Variants in CROCC2 observed in about 807,000 individuals in gnomAD.
The protein encoded by CROCC2 is ciliary rootlet coiled-coil, rootletin family member 2.
Under a neutral mutation model 177.6 loss-of-function variants are expected in CROCC2, and 163 were observed. The observed-to-expected ratio is 0.92, with a 90% CI of 0.81 to 1.05. The LOEUF (loss-of-function observed/expected upper bound fraction) is 1.05, where lower values mean the gene tolerates loss of function less well. CROCC2 is among the 50% of genes least tolerant of loss of function. The probability of loss-of-function intolerance (pLI) is 0.00; values close to 1 mark genes in which losing one functional copy is unlikely to be tolerated. For missense variants in CROCC2, 1,929 were observed against 1,797.8 expected (o/e 1.07, Z -1.32); for synonymous variants, 904 against 787.3 (o/e 1.15, Z -2.48).
rs1009939794 is a variant in CROCC2, at chr2:240,920,630, G to A, written c.381+496G>A. ...GGCCCTTTTCTGACAACTGAGGCTG[G>A]CCGGGGCCGCTTGGACCTCAGAGGA... On this transcript the variant is annotated intron_variant, in intron 3 of 31. Transcript: ENST00000690015. Among the ~76,000 whole-genome samples the A allele has an allele frequency of 2.6e-5, 4 of 152,240 alleles. No individual in the cohort carries two copies. In the East Asian group the frequency reaches 7.7e-4, roughly 29 times the overall value.
At chr2:240,932,513 C>G in intron 8 of CROCC2, 99 bp downstream of exon 8, 1 of 704,632 alleles carries the variant, frequency 1.4e-6, no homozygotes, top group Non-Finnish European at 2.7e-6. Context: ...AGTGGACGGC[C>G]TGCAGGGCAA....
chr2:240,983,424 A>T, intron 28 of CROCC2: 1 of 1,281,526 alleles, frequency 7.8e-7, no homozygotes, highest in African/African-American at 1.6e-5. Flanking sequence ...TCTTCGGCCC[A>T]GGTGCTCTGC....
chr2:240,947,623 G>A (rs1195233124), intron 15 of CROCC2, among the ~76,000 whole-genome samples: 3 of 152,222 alleles, frequency 2.0e-5, no homozygotes, highest in African/African-American at 7.2e-5. Context: ...TGAGCTCGCA[G>A]GTAACATTCA....
chr2:240,942,773 C>G (rs2059501758), intron 14 of CROCC2, among the ~76,000 whole-genome samples: 1 of 152,064 alleles, frequency 6.6e-6, no homozygotes, highest in African/African-American at 2.4e-5. Flanking sequence ...CTCCTATGTT[C>G]CTAATGGGAA....
rs61276773 is a variant in CROCC2 at position 240,974,534 on chromosome 2, CTTT to C, written c.4401+6286_4401+6288del. Among the ~76,000 whole-genome samples, 9 of 134,904 alleles carry C rather than the reference CTTT, an allele frequency of 6.7e-5. 1 individual carries two copies. The highest frequency in any genetic ancestry group is 9.3e-5 in the Non-Finnish European group (6 of 64,384). The allele number at this position is 134,904 out of a possible 152,430, so 88.5% of individuals were successfully genotyped here. On this transcript the variant is annotated intron_variant, in intron 27 of 31. Transcript: ENST00000690015. ...CTTTTGTATTTTCTTTCTTTTTTTT[CTTT>C]TTTTTTTTTTTTTGTAGAGATGGTG...
intron 1 of CROCC2, among the ~76,000 whole-genome samples, chr2:240,910,459 CA>C (rs2059280430): frequency 6.6e-6 from 1 of 152,210 alleles, no homozygotes; most frequent in Non-Finnish European, 1.5e-5. Flanking sequence ...TTGAAATTGG[CA>C]AAAGTTGTTC....
intron 2 of CROCC2, among the ~76,000 whole-genome samples, 157 bp downstream of exon 2, chr2:240,919,033 G>C (rs13034626): frequency 2.6e-3 from 62 of 23,760 alleles, no homozygotes; most frequent in African/African-American, 7.2e-3. Flanking sequence ...CCTGGGCCCG[G>C]GGCTGGGCAA....
intron 18 of CROCC2, 153 bp downstream of exon 18, chr2:240,950,663 TCACC>T: frequency 2.8e-6 from 2 of 702,292 alleles, no homozygotes; most frequent in Non-Finnish European, 4.6e-6. Context: ...ATCCGTCCAC[TCACC>T]CACCCACCTA....
chr2:240,990,481 T>C (rs1164043224), intron 30 of CROCC2, among the ~76,000 whole-genome samples: 1 of 152,248 alleles, frequency 6.6e-6, no homozygotes, highest in African/African-American at 2.4e-5. Context: ...CTGCCCAGTG[T>C]CATCCCCAAG....
At chr2:240,943,785 C>A (rs927300996) in intron 14 of CROCC2, among the ~76,000 whole-genome samples, 1 of 152,042 alleles carries the variant, frequency 6.6e-6, no homozygotes, top group Admixed American at 6.6e-5. Flanking sequence ...CGGCCTAAAG[C>A]TTTATTCTTG....
chr2:240,929,434 CTG>C (rs1338817423), intron 5 of CROCC2, among the ~76,000 whole-genome samples: 1 of 152,084 alleles, frequency 6.6e-6, no homozygotes. Context: ...TGTGGAGACT[CTG>C]AGACTTCTGG....
At chr2:240,961,574 TCAC>T (rs2059634724) in intron 20 of CROCC2, among the ~76,000 whole-genome samples, 1 of 85,700 alleles carries the variant, frequency 1.2e-5, no homozygotes. Flanking sequence ...CACACACTCA[TCAC>T]ACATACACTC....
chr2:240,926,130 A>G (rs1363038396), intron 5 of CROCC2, among the ~76,000 whole-genome samples: 1 of 152,164 alleles, frequency 6.6e-6, no homozygotes, highest in Non-Finnish European at 1.5e-5. Flanking sequence ...AGAATGGGGC[A>G]CTGGGGCCGC....
intron 11 of CROCC2, among the ~76,000 whole-genome samples, chr2:240,934,087 G>A (rs866389745): frequency 6.6e-6 from 1 of 151,800 alleles, no homozygotes; most frequent in East Asian, 1.9e-4. Context: ...CCACCACCCC[G>A]TGGGCCCATC....
intron 1 of CROCC2, among the ~76,000 whole-genome samples, chr2:240,906,867 T>C (rs2059257674): frequency 6.6e-6 from 1 of 151,748 alleles, no homozygotes; most frequent in African/African-American, 2.4e-5. Context: ...GTGGCCGGTG[T>C]CCCTTGCAGC....
At chr2:240,942,860 CT>C (rs547057404) in intron 14 of CROCC2, among the ~76,000 whole-genome samples, 75 of 151,946 alleles carry the variant, frequency 4.9e-4, no homozygotes, top group African/African-American at 1.5e-3. Context: ...TATTTATTGT[CT>C]TTTTTTTATT....
At chr2:240,936,580 T>C (rs905793690) in intron 14 of CROCC2, among the ~76,000 whole-genome samples, 1 of 152,234 alleles carries the variant, frequency 6.6e-6, no homozygotes, top group African/African-American at 2.4e-5. Flanking sequence ...ATCTGCTTAC[T>C]CATCCACCTG....
At chr2:240,965,245 G>T in intron 22 of CROCC2, 136 bp from the exon 23 acceptor site, 1 of 1,297,188 alleles carries the variant, frequency 7.7e-7, no homozygotes, top group East Asian at 2.5e-5. Flanking sequence ...GGTCCTTTGG[G>T]GCACCTTAGC....
In CROCC2 at chr2:240,932,802, C is replaced by G. The variant is rs1404796046; in HGVS notation, c.1145C>G (p.Ser382Cys). Residue 382 changes from serine (S) to cysteine (C), a missense_variant, in exon 9 of 32, where the codon TCC becomes TGC. By Grantham distance (112) the Ser-to-Cys change is moderately radical. Transcript: ENST00000690015. ...CTGAGGAGCCCCCAACGTGCCACAT[C>G]CCCCCATCAAGGGGCGTCCCCACCA... ...RPLRSPQRAT[S>C]PHQGASPPHI... is the part of the protein sequence containing the mutation. 2.7e-5 allele frequency: 40 copies of G among 1,496,120 alleles called. No homozygotes were observed. The highest frequency in any genetic ancestry group is 3.6e-5 in the Non-Finnish European group (40 of 1,099,886). The allele number at this position is 1,496,120 out of a possible 1,614,324, so 92.7% of individuals were successfully genotyped here.
Sources: gnomAD v4.1 joint callset for allele counts (sites outside exome capture counted in the v4.1 genomes callset) on GRCh38, gnomAD v4.1.1 for gene constraint, MANE v1.5 for transcripts, NCBI Gene and HGNC (gene_info 2026-07-23, HGNC 2026-07-21) for gene names.